HARS2: variants seen among roughly 807,000 people sequenced by gnomAD.
HARS2 encodes histidyl-tRNA synthetase 2, mitochondrial.
In HARS2, 40 loss-of-function variants were observed where a neutral mutation model predicts 62.4. The observed-to-expected ratio is 0.64, with a 90% CI of 0.50 to 0.83. HARS2 has a LOEUF of 0.83. Ranked by LOEUF, HARS2 falls within the 40% of genes least tolerant of loss-of-function variation. The probability of loss-of-function intolerance (pLI) is 0.00; values close to 1 mark genes in which losing one functional copy is unlikely to be tolerated. For synonymous variants in HARS2, 228 were observed against 227.0 expected, an observed-to-expected ratio of 1.00 and a Z score of -0.04; for missense variants, 569 against 626.4, an observed-to-expected ratio of 0.91 and a Z score of 0.98.
intron 3 of HARS2, 61 bp from the exon 4 acceptor site, chr5:140,694,124 T>C (rs768791952): frequency 2.3e-5 from 37 of 1,607,290 alleles, no homozygotes; most frequent in Non-Finnish European, 3.1e-5. Context: ...CCCAAAGGGC[T>C]TCTCATCTGT....
Position 140,696,219 on chromosome 5 carries a change from C to T in HARS2, c.732+18C>T, listed in dbSNP as rs1436650567. On this transcript the variant is annotated intron_variant, in intron 7 of 12. Coordinates refer to ENST00000230771, the MANE Select transcript of HARS2 (RefSeq NM_012208.4). ...TAGACAAGGTAACAAAGAAGACATA[C>T]TTCAGTAGACCCTATCTAGCTTCTG... 1 of 1,479,076 alleles carries T rather than the reference C, an allele frequency of 6.8e-7. No homozygotes were observed. The highest frequency in any genetic ancestry group is 1.7e-5 in the Admixed American group (1 of 59,862). The allele number at this position is 1,479,076 out of a possible 1,614,324, so 91.6% of individuals were successfully genotyped here. A position where few individuals can be genotyped will look rare whatever the true frequency, so the allele number is the denominator to read the frequency against.
chr5:140,696,047 T>A, intron 6 of HARS2, 56 bp from the exon 7 acceptor site: 1 of 1,279,176 alleles, frequency 7.8e-7, no homozygotes, highest in Non-Finnish European at 1.1e-6. Flanking sequence ...GTACTGCCAT[T>A]GTTTTGAGTG....
At chr5:140,692,054 C>A in intron 1 of HARS2, 1 of 424,150 alleles carries the variant, frequency 2.4e-6, no homozygotes, top group Non-Finnish European at 4.3e-6. Flanking sequence ...ACACTTTTTC[C>A]TGAAACTCTT....
rs1759810417 is a variant in HARS2 at position 140,697,749 on chromosome 5, C to G, written c.1314+64C>G. On this transcript the variant is annotated intron_variant, in intron 11 of 12. Transcript: ENST00000230771. ...TGGAATTTAGGACCCAGGGCTATAT[C>G]TATCTTATGTCTGGGGTGGAACTCA... is the stretch of plus-strand genomic sequence containing the variant. 13 of 1,304,088 alleles carry G rather than the reference C, an allele frequency of 1.0e-5. No homozygotes were observed. In the Admixed American group the frequency reaches 2.2e-4, roughly 22 times the overall value. 80.8% of individuals were successfully genotyped at this position (1,304,088 alleles called of 1,614,324 possible).
intron 4 of HARS2, 143 bp downstream of exon 4, chr5:140,694,423 G>A (rs1004597170): frequency 4.9e-5 from 35 of 720,328 alleles, no homozygotes; most frequent in African/African-American, 2.1e-4. Flanking sequence ...GTTCTGCTAC[G>A]GAAGCCTGGC....
chr5:140,691,857 TATCG>T, intron 1 of HARS2, 101 bp downstream of exon 1: 1 of 823,826 alleles, frequency 1.2e-6, no homozygotes, highest in Non-Finnish European at 2.0e-6. Flanking sequence ...AATCGGTTTT[TATCG>T]AGTGCCCACT....
rs1356170813 is a variant in HARS2 at position 140,699,243 on chromosome 5, A to AC, written c.*693dup. 1 of 156,200 alleles carries AC rather than the reference A, an allele frequency of 6.4e-6. No homozygotes were observed. The highest frequency in any genetic ancestry group is 1.4e-5 in the Non-Finnish European group (1 of 70,480). The allele number at this position is 156,200 out of a possible 1,614,324, so 9.7% of individuals were successfully genotyped here. Reference sequence around the variant, plus strand: ...TGCCAGAATCACTGCTCTATTCCATACCGTGCCATGGAGGCTGTTTTAGAA... The same window carrying AC: ...TGCCAGAATCACTGCTCTATTCCATACCCGTGCCATGGAGGCTGTTTTAGAA... On this transcript the variant is annotated 3_prime_UTR_variant, in exon 13 of 13. Transcript: ENST00000230771.
At chr5:140,698,366 A>T in intron 12 of HARS2, 127 bp from the exon 13 acceptor site, 1 of 838,636 alleles carries the variant, frequency 1.2e-6, no homozygotes, top group Non-Finnish European at 2.1e-6. Flanking sequence ...AGGTCAACCC[A>T]CACTACTCCT....
chr5:140,691,851 G>T (rs1426347943), intron 1 of HARS2, 95 bp downstream of exon 1: 1 of 882,596 alleles, frequency 1.1e-6, no homozygotes, highest in South Asian at 1.4e-5. Context: ...TGTTACAATC[G>T]GTTTTTATCG....
chr5:140,694,313 T>C (rs1173007114), intron 4 of HARS2, 33 bp downstream of exon 4: 7 of 1,428,688 alleles, frequency 4.9e-6, no homozygotes, highest in Non-Finnish European at 2.0e-6. Flanking sequence ...CTGACCTGTC[T>C]CTTTCCAAAT....
At chr5:140,696,817 G>C (rs1468565624) in intron 8 of HARS2, 126 bp from the exon 9 acceptor site, 2 of 1,017,502 alleles carry the variant, frequency 2.0e-6, no homozygotes, top group East Asian at 5.1e-5. Flanking sequence ...CTTGTCATGT[G>C]AGACTGGGAT....
intron 1 of HARS2, among the ~76,000 whole-genome samples, chr5:140,692,596 AATT>A (rs764393348): frequency 1.2e-4 from 19 of 152,298 alleles, no homozygotes; most frequent in South Asian, 1.0e-3. Context: ...CCTTATTAAA[AATT>A]ATTATTTTTT....
At chr5:140,696,803 G>A in intron 8 of HARS2, 140 bp from the exon 9 acceptor site, 1 of 1,019,676 alleles carries the variant, frequency 9.8e-7, no homozygotes, top group Admixed American at 1.9e-5. Flanking sequence ...CAAAGGAGGA[G>A]GGTCTTGTCA....
At chr5:140,692,907 T>A (rs1006966524) in intron 1 of HARS2, among the ~76,000 whole-genome samples, 40 of 148,532 alleles carry the variant, frequency 2.7e-4, no homozygotes, top group East Asian at 1.0e-3. Context: ...AAAAAAAAAA[T>A]TATTTTTGCT....
Position 140,697,357 on chromosome 5 carries a change from T to A in HARS2, c.1148T>A (p.Leu383His). 1 of 1,614,134 alleles carries A rather than the reference T, an allele frequency of 6.2e-7. No homozygotes were observed. The highest frequency in any genetic ancestry group is 8.5e-7 in the Non-Finnish European group (1 of 1,180,034). The change falls in exon 10 of 13, where the codon CTC becomes CAC. Residue 383 changes from leucine to histidine, a missense_variant. Transcript: ENST00000230771. Reference protein sequence around the residue: ...PKGHKVPCVGLSIGVERIFYI... With the variant: ...PKGHKVPCVGHSIGVERIFYI... ...GGCCACAAGGTGCCATGTGTGGGAC[T>A]CAGCATTGGGGTTGAGCGAATCTTC...
Position 140,698,938 on chromosome 5 carries a change from C to T in HARS2, c.*386C>T, listed in dbSNP as rs112352008. ...GATACTTAGCCTTCTACTGTAGCTACGGAACCAGATTCTGGTGAATTTGTC... is the reference window on the plus strand; with the variant it reads ...GATACTTAGCCTTCTACTGTAGCTATGGAACCAGATTCTGGTGAATTTGTC... On this transcript the variant is annotated 3_prime_UTR_variant, in exon 13 of 13. Transcript: ENST00000230771. 1,518 of 295,892 alleles carry T rather than the reference C, an allele frequency of 5.1e-3. 22 individuals carry two copies. Among genetic ancestry groups the T allele is most frequent in the African/African-American group, 0.031 (1,427 of 46,322 alleles). 18.3% of individuals were successfully genotyped at this position (295,892 alleles called of 1,614,324 possible).
chr5:140,691,673 A>G lies in HARS2; in HGVS notation c.25A>G (p.Arg9Gly), dbSNP rs1207539784. Residue 9 changes from arginine to glycine, a missense_variant, in exon 1 of 13, where the codon AGG becomes GGG. Arg to Gly is a moderately radical substitution (Grantham distance 125, BLOSUM62 -2). Coordinates refer to ENST00000230771, the MANE Select transcript of HARS2 (RefSeq NM_012208.4). ...GATGCCCCTGCTCGGACTTCTTCCCAGGAGGGCCTGGGCTTCGCTGCTCAG... is the reference window on the plus strand; with the variant it reads ...GATGCCCCTGCTCGGACTTCTTCCCGGGAGGGCCTGGGCTTCGCTGCTCAG... Reference protein sequence around the residue: MPLLGLLPRRAWASLLSQL... With the variant: MPLLGLLPGRAWASLLSQL... 9.7e-6 allele frequency: 15 copies of G among 1,551,226 alleles called. No homozygotes were observed. The highest frequency in any genetic ancestry group is 2.7e-5 in the African/African-American group (2 of 73,202).
Position 140,697,979 on chromosome 5 carries a change from C to G in HARS2, c.1362C>G (p.His454Gln), listed in dbSNP as rs765040030. The change falls in exon 12 of 13, where the codon CAC becomes CAG. Residue 454 changes from histidine to glutamine, a missense_variant. Physicochemically the swap from His to Gln is conservative, Grantham distance 24 (BLOSUM62 0). Coordinates refer to ENST00000230771, the MANE Select transcript of HARS2 (RefSeq NM_012208.4). The stretch of plus-strand genomic sequence containing the variant: ...ACCCCAAACTATTAACCCAGCTGCA[C>G]TATTGTGAGAGCACAGGCATTCCAC... Reference protein sequence around the residue: ...KNNPKLLTQLHYCESTGIPLV... With the variant: ...KNNPKLLTQLQYCESTGIPLV... The G allele has an allele frequency of 9.9e-6, 16 of 1,613,672 alleles. No individual in the cohort carries two copies. Among genetic ancestry groups the G allele is most frequent in the South Asian group, 2.2e-5 (2 of 91,084 alleles).
Position 140,697,419 on chromosome 5 carries a change from T to A in HARS2, c.1197+13T>A. 6.2e-7 allele frequency: 1 copy of A among 1,613,720 alleles called. No homozygotes were observed. Among genetic ancestry groups the A allele is most frequent in the Non-Finnish European group, 8.5e-7 (1 of 1,180,014 alleles). On this transcript the variant is annotated intron_variant, in intron 10 of 12. Coordinates refer to ENST00000230771, the MANE Select transcript of HARS2 (RefSeq NM_012208.4). Reference sequence around the variant, plus strand: ...GCAGAGGATGAAGGTAGGTCCTAGATAGGTGTGAGGTGGGGCTGGAGACCT... The same window carrying A: ...GCAGAGGATGAAGGTAGGTCCTAGAAAGGTGTGAGGTGGGGCTGGAGACCT...
Sources: allele counts gnomAD v4.1 joint callset (sites outside exome capture counted in the v4.1 genomes callset), GRCh38; gene constraint gnomAD v4.1.1; transcripts MANE v1.5; gene names NCBI Gene and HGNC (gene_info 2026-07-23, HGNC 2026-07-21).